Variants in PRKN observed in about 807,000 individuals in gnomAD.
PRKN encodes the protein parkin RBR E3 ubiquitin protein ligase.
In PRKN, 56 loss-of-function variants were observed where a neutral mutation model predicts 59.5. The ratio of observed to expected loss-of-function variants is 0.94; its 90% CI spans 0.76 to 1.18. PRKN has a LOEUF of 1.18. PRKN is among the 50% of genes most tolerant of loss of function. The pLI is 0.00. For synonymous variants in PRKN, 250 were observed against 222.1 expected (o/e 1.13, Z -1.12); for missense variants, 657 against 596.4 (o/e 1.10, Z -1.06).
intron 9 of PRKN, among the ~76,000 whole-genome samples, chr6:161,521,573 G>A (rs1050934861): frequency 5.3e-5 from 8 of 152,224 alleles, no homozygotes; most frequent in African/African-American, 1.9e-4. Context: ...CACTGACTGT[G>A]CACTTCATAT....
intron 2 of PRKN, among the ~76,000 whole-genome samples, chr6:162,427,571 A>G (rs1350475083): frequency 2.0e-5 from 3 of 152,196 alleles, no homozygotes; most frequent in Admixed American, 2.0e-4. Flanking sequence ...AGGTAACATC[A>G]TATCATTTAT....
intron 4 of PRKN, among the ~76,000 whole-genome samples, chr6:162,098,906 G>T (rs1413702721): frequency 6.6e-6 from 1 of 152,164 alleles, no homozygotes; most frequent in Non-Finnish European, 1.5e-5. Context: ...GATGTGGAAT[G>T]AGATGTGGAC....
chr6:162,417,292 T>C (rs1788678138), intron 2 of PRKN, among the ~76,000 whole-genome samples: 2 of 152,204 alleles, frequency 1.3e-5, no homozygotes, highest in South Asian at 4.1e-4. Context: ...GCCATCTCTG[T>C]ATTTTTCCAT....
chr6:162,200,506 G>A (rs908096032), intron 4 of PRKN, among the ~76,000 whole-genome samples: 2 of 152,016 alleles, frequency 1.3e-5, no homozygotes, highest in Admixed American at 1.3e-4. Flanking sequence ...AAATTTCATG[G>A]GTCACATAAT....
chr6:161,777,814 ATG>A (rs1562676459), intron 7 of PRKN, among the ~76,000 whole-genome samples: 2 of 143,692 alleles, frequency 1.4e-5, no homozygotes, highest in South Asian at 2.1e-4. Flanking sequence ...ATATGTATAT[ATG>A]TGTATATATG....
chr6:162,171,510 T>A (rs1000211564), intron 4 of PRKN, among the ~76,000 whole-genome samples: 6 of 152,156 alleles, frequency 3.9e-5, no homozygotes, highest in African/African-American at 1.4e-4. Context: ...AATACTCGTA[T>A]CTACAGTAAG....
In PRKN at chr6:161,423,047, G is replaced by A. The variant is rs1184485257; in HGVS notation, c.1084-36170C>T. 2.0e-5 allele frequency among the ~76,000 whole-genome samples: 3 copies of A among 152,140 alleles called. No individual in the cohort carries two copies. The highest frequency in any genetic ancestry group is 4.4e-5 in the Non-Finnish European group (3 of 68,028). On this transcript the variant is annotated intron_variant, in intron 9 of 11. Coordinates refer to ENST00000366898, the MANE Select transcript of PRKN (RefSeq NM_004562.3). The surrounding 1 kb of genome is among the most constrained non-coding windows in gnomAD (Gnocchi z 5.9). Reference sequence around the variant, plus strand: ...ATATTTCCTATAAATCCATTTACATGTCAGTATCGTAGTGAGAAATGCACG... The same window carrying A: ...ATATTTCCTATAAATCCATTTACATATCAGTATCGTAGTGAGAAATGCACG...
chr6:161,374,314 G>A (rs909925558), intron 10 of PRKN, among the ~76,000 whole-genome samples: 5 of 151,514 alleles, frequency 3.3e-5, no homozygotes, highest in African/African-American at 1.2e-4. Context: ...GTGCGCGTGT[G>A]TTGTGTGTGT....
intron 1 of PRKN, among the ~76,000 whole-genome samples, chr6:162,673,955 T>G (rs575955824): frequency 6.6e-6 from 1 of 152,192 alleles, no homozygotes; most frequent in East Asian, 1.9e-4. Flanking sequence ...GAGAAATCAA[T>G]GACTTTTTCT....
At position 162,563,496 on chromosome 6, in the gene PRKN, A is replaced by G. The variant is rs191501633; in HGVS notation, c.8-120023T>C. On this transcript the variant is annotated intron_variant, in intron 1 of 11. Transcript: ENST00000366898. ...CCCTAAAGTAGATACAGCTTAGATC[A>G]CAATACCCAAGTCCTGTTAAATATC... Among the ~76,000 whole-genome samples, 70 of 152,324 alleles carry G rather than the reference A, an allele frequency of 4.6e-4. 1 individual carries two copies. The highest frequency in any genetic ancestry group is 7.1e-4 in the Non-Finnish European group (48 of 68,016).
At chr6:162,212,156 G>T (rs1466543689) in intron 3 of PRKN, among the ~76,000 whole-genome samples, 2 of 151,810 alleles carry the variant, frequency 1.3e-5, no homozygotes. Flanking sequence ...CCTCACTCAG[G>T]GGCCGCCTCT....
chr6:161,591,130 G>A (rs1488337969), intron 7 of PRKN, among the ~76,000 whole-genome samples: 2 of 151,986 alleles, frequency 1.3e-5, no homozygotes, highest in African/African-American at 4.8e-5. Context: ...TACTCTCAAA[G>A]GATTCAGAAA....
intron 7 of PRKN, among the ~76,000 whole-genome samples, chr6:161,685,932 G>C (rs1364778121): frequency 6.6e-6 from 1 of 152,076 alleles, no homozygotes; most frequent in Non-Finnish European, 1.5e-5. Flanking sequence ...CCGGTCCCAG[G>C]CCTGTGGCTC....
intron 5 of PRKN, among the ~76,000 whole-genome samples, chr6:162,014,402 G>T (rs1290490271): frequency 6.6e-6 from 1 of 152,150 alleles, no homozygotes; most frequent in Non-Finnish European, 1.5e-5. Context: ...GCCCTCTTCA[G>T]GCGCCTCTGC....
At chr6:162,144,378 G>C (rs1268746182) in intron 4 of PRKN, among the ~76,000 whole-genome samples, 4 of 152,158 alleles carry the variant, frequency 2.6e-5, no homozygotes, top group African/African-American at 9.7e-5. Flanking sequence ...ACTTTGTAGA[G>C]GTGCTCAAAG....
intron 2 of PRKN, among the ~76,000 whole-genome samples, chr6:162,334,501 C>T (rs902937033): frequency 3.9e-5 from 6 of 152,114 alleles, no homozygotes; most frequent in Admixed American, 1.3e-4. Flanking sequence ...GTGTGTTTTA[C>T]CGAATATTTT....
intron 1 of PRKN, among the ~76,000 whole-genome samples, chr6:162,706,209 T>G (rs1778333454): frequency 6.6e-6 from 1 of 151,180 alleles, no homozygotes; most frequent in Non-Finnish European, 1.5e-5. Context: ...AAGCAATGAA[T>G]TAAAGAGGCA....
chr6:162,062,503 T>C (rs554502330), intron 4 of PRKN, among the ~76,000 whole-genome samples: 9 of 152,250 alleles, frequency 5.9e-5, no homozygotes, highest in South Asian at 2.1e-4. Context: ...CATTTGGAGA[T>C]AGGTCTTGAC....
At chr6:161,937,314 A>C (rs1160742776) in intron 6 of PRKN, among the ~76,000 whole-genome samples, 1 of 152,248 alleles carries the variant, frequency 6.6e-6, no homozygotes, top group African/African-American at 2.4e-5. Context: ...AACATTTTGA[A>C]GTATGCTTAC....
Sources: allele counts gnomAD v4.1 joint callset (sites outside exome capture counted in the v4.1 genomes callset), GRCh38; gene constraint gnomAD v4.1.1; non-coding constraint Gnocchi (gnomAD v3.1); transcripts MANE v1.5; gene names NCBI Gene and HGNC (gene_info 2026-07-23, HGNC 2026-07-21).